TDRD12: variants seen among roughly 807,000 people sequenced by gnomAD.
The protein encoded by TDRD12 is tudor domain containing 12.
TDRD12 carries 158 observed loss-of-function variants against 133.5 expected under a neutral mutation model. That is an observed-to-expected ratio of 1.18 (90% CI 1.04 to 1.35). TDRD12 has a LOEUF of 1.35. TDRD12 is among the 40% of genes most tolerant of loss of function. The pLI is 0.00. For missense variants in TDRD12, 1,443 were observed against 1,321.3 expected (o/e 1.09, Z -1.43); for synonymous variants, 460 against 477.9 (o/e 0.96, Z 0.49).
chr19:32,732,086 C>T (rs1969075420), intron 2 of TDRD12, among the ~76,000 whole-genome samples: 1 of 152,210 alleles, frequency 6.6e-6, no homozygotes, highest in Non-Finnish European at 1.5e-5. Flanking sequence ...TCACCGCAAC[C>T]TCCGTGTCTC....
At chr19:32,800,229 A>G in exon 17 of TDRD12, 1 of 1,533,996 alleles carries the variant, frequency 6.5e-7, no homozygotes, top group Non-Finnish European at 8.7e-7. Flanking sequence ...AATCTGCACC[A>G]CATCAGATTG....
At chr19:32,778,054 TA>T (rs1970659090) in intron 11 of TDRD12, among the ~76,000 whole-genome samples, 1 of 151,310 alleles carries the variant, frequency 6.6e-6, no homozygotes, top group South Asian at 2.1e-4. Context: ...TCAACAGTTT[TA>T]CATTCCAAGT....
chr19:32,728,812 T>A (rs961421221), intron 1 of TDRD12, among the ~76,000 whole-genome samples: 1 of 25,596 alleles, frequency 3.9e-5, no homozygotes, highest in Non-Finnish European at 6.7e-5. Context: ...CACCTGGCTA[T>A]TTTTTTTTTT....
At chr19:32,776,518 C>T (rs986312681) in intron 10 of TDRD12, among the ~76,000 whole-genome samples, 1 of 152,210 alleles carries the variant, frequency 6.6e-6, no homozygotes, top group South Asian at 2.1e-4. Flanking sequence ...GAAGAAGTCT[C>T]TCCTGGAGAT....
At chr19:32,826,332 T>G in exon 8 of TDRD12, 1 of 1,352,660 alleles carries the variant, frequency 7.4e-7, no homozygotes, top group Non-Finnish European at 9.5e-7. Context: ...CAAGTGTCAG[T>G]ATTTAAGGGA....
chr19:32,772,903 C>A, intron 9 of TDRD12, 53 bp downstream of exon 9: 1 of 1,079,290 alleles, frequency 9.3e-7, no homozygotes, highest in South Asian at 2.4e-5. Flanking sequence ...TGTTAATTTT[C>A]AAATTTTCTC....
chr19:32,761,220 A>G (rs1044946447), intron 8 of TDRD12, among the ~76,000 whole-genome samples: 5 of 152,164 alleles, frequency 3.3e-5, no homozygotes, highest in African/African-American at 9.7e-5. Flanking sequence ...GGTTCACACT[A>G]TTCTCCTGCC....
intron 9 of TDRD12, 78 bp from the exon 10 acceptor site, chr19:32,773,378 T>C (rs893081066): frequency 8.1e-7 from 1 of 1,240,944 alleles, no homozygotes; most frequent in Non-Finnish European, 1.2e-6. Flanking sequence ...ATAACTCCCA[T>C]GGAATTTTGG....
At chr19:32,801,528 T>G (rs1207806048) in intron 18 of TDRD12, among the ~76,000 whole-genome samples, 2 of 152,216 alleles carry the variant, frequency 1.3e-5, no homozygotes, top group African/African-American at 2.4e-5. Context: ...CAAAATAGTT[T>G]CAGCAAAATA....
intron 3 of TDRD12, 134 bp from the exon 4 acceptor site, chr19:32,742,647 T>C: frequency 2.0e-6 from 2 of 989,774 alleles, no homozygotes; most frequent in Non-Finnish European, 2.9e-6. Flanking sequence ...TTGGTGGCCA[T>C]ATTAGAAACA....
At chr19:32,750,904 T>G (rs547950064) in intron 6 of TDRD12, among the ~76,000 whole-genome samples, 12 of 152,248 alleles carry the variant, frequency 7.9e-5, no homozygotes, top group Non-Finnish European at 1.5e-4. Flanking sequence ...CCAGCAGGGG[T>G]TTATGACGTC....
At chr19:32,824,574 G>C (rs1042120810), downstream of TDRD12, 1 of 152,400 alleles carries the variant, frequency 6.6e-6, no homozygotes, top group African/African-American at 2.4e-5. Context: ...CGCTGGACCT[G>C]GGTCTAAGCC....
rs983211964 is a variant in TDRD12, at chr19:32,764,959, G to A, written c.866-7794G>A. On this transcript the variant is annotated intron_variant, in intron 8 of 27. Coordinates refer to ENST00000444215, the Ensembl canonical transcript of TDRD12. ...CATCAGAGTGAACAGGCAACCTACA[G>A]AATGGGAGAAAATTTTTGCAATCTA... 2.5e-4 allele frequency among the ~76,000 whole-genome samples: 38 copies of A among 152,180 alleles called. 1 individual carries two copies. Among genetic ancestry groups the A allele is most frequent in the Admixed American group, 2.3e-3 (35 of 15,274 alleles).
At chr19:32,767,096 A>T (rs766866708) in intron 8 of TDRD12, among the ~76,000 whole-genome samples, 50 of 15,140 alleles carry the variant, frequency 3.3e-3, no homozygotes, top group African/African-American at 5.8e-3. Flanking sequence ...CATGCATTTT[A>T]TTTATTTATT....
intron 1 of TDRD12, among the ~76,000 whole-genome samples, chr19:32,722,679 ATT>A (rs34068580): frequency 0.21 from 21,780 of 101,856 alleles, 1,980 homozygotes; most frequent in East Asian, 0.35. Flanking sequence ...TTTAAAAAAA[ATT>A]TTTTTTTTTT....
intron 1 of TDRD12, among the ~76,000 whole-genome samples, chr19:32,723,569 G>C (rs1450369365): frequency 6.6e-6 from 1 of 151,254 alleles, no homozygotes; most frequent in Non-Finnish European, 1.5e-5. Context: ...AACTCTTGAA[G>C]TCAGGTGATA....
chr19:32,794,680 G>C (rs751660226), exon 14 of TDRD12: 11 of 702,814 alleles, frequency 1.6e-5, no homozygotes. Flanking sequence ...TCTTACTCTT[G>C]GCCTCCCATA....
intron 26 of TDRD12, among the ~76,000 whole-genome samples, chr19:32,816,528 C>T (rs1167967890): frequency 6.6e-6 from 1 of 152,158 alleles, no homozygotes; most frequent in Non-Finnish European, 1.5e-5. Flanking sequence ...ATTTGTTTAC[C>T]CATTCTACTG....
chr19:32,825,194 G>A (rs1052877379), downstream of TDRD12, among the ~76,000 whole-genome samples: 21 of 152,318 alleles, frequency 1.4e-4, no homozygotes, highest in African/African-American at 4.1e-4. This position sits in a 1 kb window ranked among gnomAD's most constrained non-coding sequence, Gnocchi z 4.1. Context: ...ATGTGACACC[G>A]AGGATGGCGC....
Sources: gnomAD v4.1 joint callset for allele counts (sites outside exome capture counted in the v4.1 genomes callset) on GRCh38, gnomAD v4.1.1 for gene constraint, Gnocchi (gnomAD v3.1) non-coding constraint, MANE v1.5 for transcripts, NCBI Gene and HGNC (gene_info 2026-07-23, HGNC 2026-07-21) for gene names.